SCHIP1: variants seen among roughly 807,000 people sequenced by gnomAD.
SCHIP1 encodes the protein schwannomin-interacting protein 1.
A neutral mutation model predicts 29.7 loss-of-function variants in SCHIP1; 8 were observed. That is an observed-to-expected ratio of 0.27 (90% CI 0.16 to 0.49). The LOEUF (loss-of-function observed/expected upper bound fraction) is 0.49, where lower values mean the gene tolerates loss of function less well. Among genes scored for constraint, SCHIP1 ranks in the 20% least tolerant of loss-of-function variants. SCHIP1 has a pLI of 0.99. For synonymous variants in SCHIP1, 76 were observed against 94.9 expected (o/e 0.80, Z 1.16); for missense variants, 193 against 294.6 (o/e 0.66, Z 2.52).
At chr3:159,751,694 G>A in the SCHIP1 span, among the ~76,000 whole-genome samples, 3 of 151,922 alleles carry the variant, frequency 2.0e-5, no homozygotes, top group Admixed American at 6.6e-5. Context: ...ACAGGTGCCC[G>A]CCACCATGCC....
intron 2 of SCHIP1, among the ~76,000 whole-genome samples, chr3:159,884,386 T>TGTGC (rs1716763017): frequency 2.0e-5 from 3 of 151,636 alleles, no homozygotes; most frequent in Admixed American, 2.0e-4. Flanking sequence ...TGTGTGTGTG[T>TGTGC]GTGTTTATGT....
At chr3:159,486,767 G>A in the SCHIP1 span, among the ~76,000 whole-genome samples, 3 of 152,336 alleles carry the variant, frequency 2.0e-5, no homozygotes, top group East Asian at 5.8e-4. Context: ...ACAGGCATGG[G>A]CTCCTTCCAT....
the SCHIP1 span, among the ~76,000 whole-genome samples, chr3:159,684,340 G>A: frequency 1.4e-4 from 21 of 152,170 alleles, no homozygotes; most frequent in Non-Finnish European, 2.9e-4. Context: ...CTCTGGCTTA[G>A]GCTTTCTCCT....
the SCHIP1 span, among the ~76,000 whole-genome samples, chr3:159,427,793 T>A: frequency 6.6e-6 from 1 of 152,090 alleles, no homozygotes; most frequent in Non-Finnish European, 1.5e-5. Flanking sequence ...GACTTCAAAC[T>A]ATACTACAAG....
the SCHIP1 span, among the ~76,000 whole-genome samples, chr3:159,393,648 G>T: frequency 6.7e-6 from 1 of 149,556 alleles, no homozygotes; most frequent in South Asian, 2.2e-4. Flanking sequence ...ATTTCTGAGG[G>T]CTCTGTTCTG....
the SCHIP1 span, among the ~76,000 whole-genome samples, chr3:159,661,533 T>C: frequency 6.6e-6 from 1 of 152,210 alleles, no homozygotes; most frequent in Non-Finnish European, 1.5e-5. Flanking sequence ...ACACAATCAG[T>C]AGGGTTAGCC....
chr3:159,685,553 C>T, the SCHIP1 span, among the ~76,000 whole-genome samples: 1 of 152,172 alleles, frequency 6.6e-6, no homozygotes, highest in African/African-American at 2.4e-5. Flanking sequence ...ATACTTTCTT[C>T]TTAAATATCT....
chr3:159,300,738 T>C, the SCHIP1 span, among the ~76,000 whole-genome samples: 67,027 of 151,982 alleles, frequency 0.44, 15,132 homozygotes, highest in African/African-American at 0.52. Flanking sequence ...TGCCCTATGG[T>C]TCCCTTCCTG....
the SCHIP1 span, among the ~76,000 whole-genome samples, chr3:159,731,213 G>T: frequency 6.6e-6 from 1 of 152,326 alleles, no homozygotes; most frequent in South Asian, 2.1e-4. Context: ...AAAGAAAGAA[G>T]TATGTTACCA....
chr3:159,658,768 T>A, the SCHIP1 span, among the ~76,000 whole-genome samples: 1 of 152,218 alleles, frequency 6.6e-6, no homozygotes, highest in East Asian at 1.9e-4. Flanking sequence ...CACCTCCACC[T>A]GAATGTCTAC....
At chr3:159,285,229 A>G in the SCHIP1 span, among the ~76,000 whole-genome samples, 1 of 152,154 alleles carries the variant, frequency 6.6e-6, no homozygotes, top group Non-Finnish European at 1.5e-5. Context: ...TTTTTAAGGT[A>G]CAAAGAGTTC....
the SCHIP1 span, among the ~76,000 whole-genome samples, chr3:159,337,379 T>C: frequency 1.3e-5 from 2 of 152,224 alleles, no homozygotes; most frequent in Admixed American, 1.3e-4. Context: ...ATAAAGCACA[T>C]TCAATTAGGA....
At chr3:159,404,783 G>A in the SCHIP1 span, among the ~76,000 whole-genome samples, 1 of 152,182 alleles carries the variant, frequency 6.6e-6, no homozygotes, top group Non-Finnish European at 1.5e-5. Flanking sequence ...TAGGGCCTTT[G>A]AGCAAACATA....
At chr3:159,810,432 G>C in the SCHIP1 span, among the ~76,000 whole-genome samples, 2 of 152,130 alleles carry the variant, frequency 1.3e-5, no homozygotes, top group Non-Finnish European at 2.9e-5. Context: ...GAACCTTTCT[G>C]TTATTCCCAA....
chr3:159,730,793 T>C, the SCHIP1 span, among the ~76,000 whole-genome samples: 1 of 152,156 alleles, frequency 6.6e-6, no homozygotes. Context: ...TCTTTCCCAG[T>C]GAGGCTGGGA....
chr3:159,793,507 C>T, the SCHIP1 span, among the ~76,000 whole-genome samples: 1 of 152,120 alleles, frequency 6.6e-6, no homozygotes, highest in Non-Finnish European at 1.5e-5. Context: ...GGCCAGAAGT[C>T]TGAAATGGTC....
At chr3:159,745,018 T>C in the SCHIP1 span, among the ~76,000 whole-genome samples, 2 of 151,734 alleles carry the variant, frequency 1.3e-5, no homozygotes, top group South Asian at 2.1e-4. Context: ...AAGTGTTCAG[T>C]GGGACTGCTG....
the SCHIP1 span, among the ~76,000 whole-genome samples, chr3:159,365,162 C>T: frequency 3.9e-5 from 6 of 152,040 alleles, no homozygotes; most frequent in Non-Finnish European, 5.9e-5. Flanking sequence ...GGGGCGGGTA[C>T]CAGAGAGACG....
the SCHIP1 span, among the ~76,000 whole-genome samples, chr3:159,753,370 T>A: frequency 7.2e-5 from 11 of 152,160 alleles, no homozygotes; most frequent in Non-Finnish European, 1.6e-4. Flanking sequence ...TTCCTGTTTT[T>A]TTCTCCCCTA....
Sources: gnomAD v4.1 joint callset for allele counts (sites outside exome capture counted in the v4.1 genomes callset) on GRCh38, gnomAD v4.1.1 for gene constraint, MANE v1.5 for transcripts, NCBI Gene and HGNC (gene_info 2026-07-23, HGNC 2026-07-21) for gene names.